The following KCNQ4 variants were observed in gnomAD, a reference collection of about 807,000 sequenced individuals.
The protein encoded by KCNQ4 is potassium voltage-gated channel subfamily KQT member 4.
A neutral mutation model predicts 72.6 loss-of-function variants in KCNQ4; 31 were observed. The ratio of observed to expected loss-of-function variants is 0.43; its 90% CI spans 0.32 to 0.58. The LOEUF is 0.58. KCNQ4 is among the 20% of genes least tolerant of loss of function. The pLI is 0.08. For missense variants in KCNQ4, 869 were observed against 962.6 expected, an observed-to-expected ratio of 0.90 and a Z score of 1.29; for synonymous variants, 405 against 403.7, an observed-to-expected ratio of 1.00 and a Z score of -0.04.
At chr1:40,792,825 A>G (rs1439342371) in intron 1 of KCNQ4, among the ~76,000 whole-genome samples, 5 of 152,036 alleles carry the variant, frequency 3.3e-5, no homozygotes, top group Non-Finnish European at 7.4e-5. Flanking sequence ...TTTTACAGAC[A>G]GGGGGATTAA....
At chr1:40,835,682 A>G (rs1648789550) in intron 12 of KCNQ4, among the ~76,000 whole-genome samples, 1 of 152,246 alleles carries the variant, frequency 6.6e-6, no homozygotes, top group Non-Finnish European at 1.5e-5. Context: ...TCCCACACTT[A>G]TGGAGCTTTC....
rs1369455657 is a variant in KCNQ4, at chr1:40,794,974, T to TG, written c.314+10574dup. On this transcript the variant is annotated intron_variant, in intron 1 of 13. Coordinates refer to ENST00000347132, the MANE Select transcript of KCNQ4 (RefSeq NM_004700.4). The surrounding 1 kb of genome is among the most constrained non-coding windows in gnomAD (Gnocchi z 4.2). ...CTTTCCTAAGATTGGGTTGGGCGGG[T>TG]GGGGGGGTGGGGGGCAGATCAGCCA... Among the ~76,000 whole-genome samples, 6 of 1,774 alleles carry TG rather than the reference T, an allele frequency of 3.4e-3. No homozygotes were observed. The highest frequency in any genetic ancestry group is 6.3e-3 in the Admixed American group (1 of 160). 1.2% of individuals were successfully genotyped at this position (1,774 alleles called of 152,430 possible). A position where few individuals can be genotyped will look rare whatever the true frequency, so the allele number is the denominator to read the frequency against.
intron 12 of KCNQ4, among the ~76,000 whole-genome samples, chr1:40,836,214 T>A (rs949831835): frequency 6.6e-6 from 1 of 152,038 alleles, no homozygotes; most frequent in African/African-American, 2.4e-5. Context: ...GGACAAGTGG[T>A]CAGATTCTAG....
At chr1:40,816,676 A>G (rs1302340488) in intron 1 of KCNQ4, among the ~76,000 whole-genome samples, 2 of 151,974 alleles carry the variant, frequency 1.3e-5, no homozygotes, top group Admixed American at 1.3e-4. Context: ...TCCCCTCCCT[A>G]CATCCTCTCC....
At chr1:40,819,695 A>C (rs1009509042) in intron 5 of KCNQ4, among the ~76,000 whole-genome samples, 180 bp from the exon 6 acceptor site, 7 of 151,054 alleles carry the variant, frequency 4.6e-5, no homozygotes, top group African/African-American at 1.7e-4. Context: ...AGACCTTGTG[A>C]CTATACCCCT....
chr1:40,810,301 C>T (rs1205355751), intron 1 of KCNQ4, among the ~76,000 whole-genome samples: 1 of 152,150 alleles, frequency 6.6e-6, no homozygotes, highest in African/African-American at 2.4e-5. Context: ...CAGTTACCTC[C>T]TCCAAGAAGT....
Position 40,838,620 on chromosome 1 carries a change from A to G in KCNQ4, c.*97A>G. 1 of 1,136,524 alleles carries G rather than the reference A, an allele frequency of 8.8e-7. No individual in the cohort carries two copies. Among genetic ancestry groups the G allele is most frequent in the South Asian group, 1.3e-5 (1 of 79,744 alleles). 70.4% of individuals were successfully genotyped at this position (1,136,524 alleles called of 1,614,324 possible). A position where few individuals can be genotyped will look rare whatever the true frequency, so the allele number is the denominator to read the frequency against. ...CCGGACTCCTCTCGTACTTGAACTC[A>G]CTCCCTCACGGGGAGAGAGACCACA... On this transcript the variant is annotated 3_prime_UTR_variant, in exon 14 of 14. Transcript: ENST00000347132.
chr1:40,792,313 G>A (rs539453885), intron 1 of KCNQ4, among the ~76,000 whole-genome samples: 1 of 152,274 alleles, frequency 6.6e-6, no homozygotes, highest in African/African-American at 2.4e-5. Flanking sequence ...TCTACTGGAG[G>A]GACCAGCCCC....
chr1:40,824,168 G>T lies in KCNQ4; in HGVS notation c.1202G>T (p.Arg401Leu). 2 of 1,558,110 alleles carry T rather than the reference G, an allele frequency of 1.3e-6. No homozygotes were observed. The highest frequency in any genetic ancestry group is 1.7e-6 in the Non-Finnish European group (2 of 1,151,834). Residue 401 changes from arginine (R) to leucine (L), a missense_variant, in exon 9 of 14, where the codon CGG becomes CTG. By Grantham distance (102) the Arg-to-Leu change is moderately radical (BLOSUM62 -2). This residue lies in a region of KCNQ4 where 480 missense variants were observed against 501.9 expected (regional missense o/e 0.96). Coordinates refer to ENST00000347132, the MANE Select transcript of KCNQ4 (RefSeq NM_004700.4). ...GGCCTACGGCCCCTGGAGGTGCGGCGGGCGCCGGTACCCGACGGAGCACCC... is the reference window on the plus strand; with the variant it reads ...GGCCTACGGCCCCTGGAGGTGCGGCTGGCGCCGGTACCCGACGGAGCACCC... ...NGGLRPLEVR[R>L]APVPDGAPSR...
chr1:40,819,027 T>C (rs1347073209), intron 4 of KCNQ4: 2 of 525,516 alleles, frequency 3.8e-6, no homozygotes, highest in African/African-American at 4.0e-5. Flanking sequence ...GGGGCTAGGG[T>C]GGGCCCCAGG....
At chr1:40,811,962 G>A (rs528529636) in intron 1 of KCNQ4, among the ~76,000 whole-genome samples, 78 of 152,302 alleles carry the variant, frequency 5.1e-4, no homozygotes, top group Non-Finnish European at 9.0e-4. Context: ...GTCCTTTGTT[G>A]GATGAATGAA....
chr1:40,818,158 C>T lies in KCNQ4; in HGVS notation c.406-6C>T. The T allele has an allele frequency of 9.3e-6, 15 of 1,613,940 alleles. No individual in the cohort carries two copies. The highest frequency in any genetic ancestry group is 1.3e-5 in the Non-Finnish European group (15 of 1,180,026). On this transcript the variant is annotated splice_region_variant and splice_polypyrimidine_tract_variant and intron_variant, in intron 2 of 13. Coordinates refer to ENST00000347132, the MANE Select transcript of KCNQ4 (RefSeq NM_004700.4). ...AGGACCAGAACTCAGGCCCCTGGTC[C>T]CACAGGAATTCGTGATGATCGTGGT...
At position 40,816,449 on chromosome 1, in the gene KCNQ4, C is replaced by T. The variant is rs79837289; in HGVS notation, c.315-816C>T. Among the ~76,000 whole-genome samples, 50 of 152,300 alleles carry T rather than the reference C, an allele frequency of 3.3e-4. No homozygotes were observed. In the East Asian group the frequency reaches 9.5e-3, roughly 29 times the overall value. On this transcript the variant is annotated intron_variant, in intron 1 of 13. Coordinates refer to ENST00000347132, the MANE Select transcript of KCNQ4 (RefSeq NM_004700.4). ...AGGTTGGGAACCCTGGCTCTAATCTCAGCTCTGTCCTGGGCACACTGGGCG... is the reference window on the plus strand; with the variant it reads ...AGGTTGGGAACCCTGGCTCTAATCTTAGCTCTGTCCTGGGCACACTGGGCG...
intron 1 of KCNQ4, among the ~76,000 whole-genome samples, chr1:40,793,749 T>TACAACTCCCTCCCCTCTTCTGCCC (rs1647335128): frequency 6.6e-6 from 1 of 152,214 alleles, no homozygotes; most frequent in African/African-American, 2.4e-5. Context: ...TCCTTCTGCC[T>TACAACTCCCTCCCCTCTTCTGCCC]GCAACTCCCT....
At chr1:40,825,740 A>G (rs938026416) in intron 9 of KCNQ4, among the ~76,000 whole-genome samples, 2 of 152,152 alleles carry the variant, frequency 1.3e-5, no homozygotes, top group Non-Finnish European at 2.9e-5. Context: ...TTTGTATCCC[A>G]GCAATCCTGT....
intron 1 of KCNQ4, among the ~76,000 whole-genome samples, chr1:40,813,168 C>A (rs570305278): frequency 1.3e-5 from 2 of 152,292 alleles, no homozygotes; most frequent in African/African-American, 2.4e-5. Flanking sequence ...GAGGCACAGA[C>A]CTTGCAGGGC....
chr1:40,818,034 G>A, intron 2 of KCNQ4, 130 bp from the exon 3 acceptor site: 1 of 1,245,706 alleles, frequency 8.0e-7, no homozygotes, highest in South Asian at 1.2e-5. Context: ...TCAAGTCCAG[G>A]AAACTCCAGG....
chr1:40,819,285 GC>G, intron 4 of KCNQ4, 61 bp from the exon 5 acceptor site: 1 of 1,602,796 alleles, frequency 6.2e-7, no homozygotes. Flanking sequence ...CCGTGTGGAA[GC>G]CCCCCACATC....
At chr1:40,825,155 C>T (rs923032769) in intron 9 of KCNQ4, among the ~76,000 whole-genome samples, 1 of 152,182 alleles carries the variant, frequency 6.6e-6, no homozygotes, top group African/African-American at 2.4e-5. Context: ...TTTCCCTCGT[C>T]CTTTACCCAT....
Sources: gnomAD v4.1 joint callset for allele counts (sites outside exome capture counted in the v4.1 genomes callset) on GRCh38, gnomAD v4.1.1 for gene constraint, gnomAD v4.1.1 regional missense constraint, Gnocchi (gnomAD v3.1) non-coding constraint, MANE v1.5 for transcripts, NCBI Gene and HGNC (gene_info 2026-07-23, HGNC 2026-07-21) for gene names.